CSMD3: variants seen among roughly 807,000 people sequenced by gnomAD.
The protein encoded by CSMD3 is CUB and Sushi multiple domains 3, also known as CUB and sushi domain-containing protein 3.
Under a neutral mutation model 435.2 loss-of-function variants are expected in CSMD3, and 177 were observed. The observed-to-expected ratio is 0.41, with a 90% CI of 0.36 to 0.46. The LOEUF (loss-of-function observed/expected upper bound fraction) is 0.46. Ranked by LOEUF, CSMD3 falls within the 20% of genes least tolerant of loss-of-function variation. CSMD3 has a pLI of 0.34. For synonymous variants in CSMD3, 1,656 were observed against 1,520.5 expected (o/e 1.09, Z -2.07); for missense variants, 4,265 against 4,504.6 (o/e 0.95, Z 1.52).
At chr8:112,463,867 G>T (rs529521622) in intron 32 of CSMD3, among the ~76,000 whole-genome samples, 20 of 152,266 alleles carry the variant, frequency 1.3e-4, no homozygotes, top group African/African-American at 4.1e-4. Context: ...ATGGTGGATT[G>T]TGAGAAAGAA....
intron 1 of CSMD3, among the ~76,000 whole-genome samples, chr8:113,407,547 T>C (rs1384335220): frequency 6.6e-6 from 1 of 151,956 alleles, no homozygotes; most frequent in East Asian, 1.9e-4. Context: ...TGGAGATACA[T>C]ACATACACAC....
At position 112,882,285 on chromosome 8, in the gene CSMD3, C is replaced by T. The variant is rs573861320; in HGVS notation, c.1634-23019G>A. Among the ~76,000 whole-genome samples the T allele has an allele frequency of 1.0e-3, 154 of 152,048 alleles. 4 individuals carry two copies. In the South Asian group the frequency reaches 0.019, roughly 19 times the overall value. ...CAAGACCACATGTCTCCCCAGGTAG[C>T]TTCCTTCACCCTGACAATGTAAATT... is the stretch of plus-strand genomic sequence containing the variant. On this transcript the variant is annotated intron_variant, in intron 10 of 70. Coordinates refer to ENST00000297405, the MANE Select transcript of CSMD3 (RefSeq NM_198123.2).
At chr8:112,746,517 T>C (rs192187575) in intron 13 of CSMD3, among the ~76,000 whole-genome samples, 17 of 152,288 alleles carry the variant, frequency 1.1e-4, no homozygotes, top group Admixed American at 9.8e-4. Flanking sequence ...AAGCACCTAA[T>C]ATGCTTTATT....
chr8:113,138,336 A>T (rs1409073173), intron 4 of CSMD3, among the ~76,000 whole-genome samples: 1 of 151,464 alleles, frequency 6.6e-6, no homozygotes, highest in East Asian at 1.9e-4. Flanking sequence ...TGAAAATGGA[A>T]CAAAATAAAA....
chr8:113,350,476 A>G (rs935291366), intron 1 of CSMD3, among the ~76,000 whole-genome samples: 1 of 152,140 alleles, frequency 6.6e-6, no homozygotes, highest in Non-Finnish European at 1.5e-5. Flanking sequence ...AAATGAACTT[A>G]AACAACTCTC....
At chr8:113,308,258 CTTTTTTTTTT>C (rs11440584) in intron 2 of CSMD3, among the ~76,000 whole-genome samples, 6 of 64,916 alleles carry the variant, frequency 9.2e-5, no homozygotes, top group African/African-American at 1.8e-4. Flanking sequence ...TCATTTAAGT[CTTTTTTTTTT>C]TTTTTTTTTT....
intron 31 of CSMD3, among the ~76,000 whole-genome samples, chr8:112,481,302 C>T (rs1199055818): frequency 1.3e-5 from 2 of 152,110 alleles, no homozygotes; most frequent in Admixed American, 6.5e-5. Context: ...GGGAGAAATG[C>T]TACTTGAATG....
chr8:112,690,594 C>CA (rs1268309797), intron 13 of CSMD3, among the ~76,000 whole-genome samples: 1 of 149,902 alleles, frequency 6.7e-6, no homozygotes, highest in African/African-American at 2.5e-5. Flanking sequence ...TAGACCCCCC[C>CA]CCCCAACAAA....
At chr8:112,810,569 AG>A (rs1304239182) in intron 12 of CSMD3, among the ~76,000 whole-genome samples, 3 of 152,130 alleles carry the variant, frequency 2.0e-5, no homozygotes, top group Non-Finnish European at 4.4e-5. Flanking sequence ...TGAAACCTAT[AG>A]GCTTTTTCCA....
At chr8:113,215,510 A>G (rs559406302) in intron 3 of CSMD3, among the ~76,000 whole-genome samples, 2 of 124,624 alleles carry the variant, frequency 1.6e-5, no homozygotes, top group African/African-American at 5.1e-5. Context: ...GGGAAAAATC[A>G]TTATCTTCTA....
chr8:112,533,089 C>T (rs909645736), intron 27 of CSMD3, among the ~76,000 whole-genome samples: 12 of 151,874 alleles, frequency 7.9e-5, no homozygotes, highest in African/African-American at 2.9e-4. Context: ...GTAAGCCATA[C>T]AGTAATCACA....
chr8:112,850,253 G>A (rs1273951253), intron 11 of CSMD3, among the ~76,000 whole-genome samples: 1 of 152,114 alleles, frequency 6.6e-6, no homozygotes, highest in Non-Finnish European at 1.5e-5. Context: ...CATGACATGA[G>A]GAGTGTATTA....
chr8:113,013,163 G>T (rs2086320980), intron 6 of CSMD3, among the ~76,000 whole-genome samples: 1 of 151,910 alleles, frequency 6.6e-6, no homozygotes, highest in Admixed American at 6.6e-5. Context: ...AAAAAAAATT[G>T]TTTCTCAGTT....
chr8:113,161,608 C>T (rs933169162), intron 4 of CSMD3, among the ~76,000 whole-genome samples: 4 of 152,022 alleles, frequency 2.6e-5, no homozygotes, highest in Non-Finnish European at 5.9e-5. Context: ...CTATATATTG[C>T]TGGTGTTCTC....
chr8:113,237,259 G>A (rs538019956), intron 3 of CSMD3, among the ~76,000 whole-genome samples: 3 of 152,188 alleles, frequency 2.0e-5, no homozygotes, highest in East Asian at 1.9e-4. Flanking sequence ...CCCTGATATC[G>A]GGGTGGGAAT....
intron 6 of CSMD3, among the ~76,000 whole-genome samples, chr8:113,013,950 G>A (rs2086356744): frequency 6.6e-6 from 1 of 152,132 alleles, no homozygotes; most frequent in African/African-American, 2.4e-5. Context: ...GTGAGGTGGA[G>A]GCCACATTTG....
chr8:112,338,466 G>A (rs897560735), intron 42 of CSMD3, among the ~76,000 whole-genome samples: 14 of 151,806 alleles, frequency 9.2e-5, no homozygotes, highest in African/African-American at 3.4e-4. Context: ...CTATGAACAG[G>A]GCCTATTCTC....
At chr8:112,325,620 G>C (rs1178146615) in intron 45 of CSMD3, among the ~76,000 whole-genome samples, 1 of 152,034 alleles carries the variant, frequency 6.6e-6, no homozygotes, top group Non-Finnish European at 1.5e-5. Flanking sequence ...CTGACTGCTA[G>C]AGAAATGAAA....
At chr8:112,740,642 G>A (rs2077284720) in intron 13 of CSMD3, among the ~76,000 whole-genome samples, 1 of 151,872 alleles carries the variant, frequency 6.6e-6, no homozygotes, top group Non-Finnish European at 1.5e-5. Context: ...CAGTAGAGCA[G>A]GCCATGTTTA....
Sources: gnomAD v4.1 joint callset for allele counts (sites outside exome capture counted in the v4.1 genomes callset) on GRCh38, gnomAD v4.1.1 for gene constraint, MANE v1.5 for transcripts, NCBI Gene and HGNC (gene_info 2026-07-23, HGNC 2026-07-21) for gene names.